The following NKAIN2 variants were observed in gnomAD, a reference collection of about 807,000 sequenced individuals.
The protein encoded by NKAIN2 is sodium/potassium transporting ATPase interacting 2.
NKAIN2 carries 14 observed loss-of-function variants against 32.6 expected under a neutral mutation model. That is an observed-to-expected ratio of 0.43 (90% CI 0.28 to 0.67). The LOEUF (loss-of-function observed/expected upper bound fraction) is 0.67. Ranked by LOEUF, NKAIN2 falls within the 30% of genes least tolerant of loss-of-function variation. The pLI, the probability that NKAIN2 is intolerant of heterozygous loss-of-function variation, is 0.17. For missense variants in NKAIN2, 198 were observed against 258.3 expected (o/e 0.77, Z 1.60); for synonymous variants, 80 against 87.2 (o/e 0.92, Z 0.46).
At chr6:123,841,668 A>C (rs756655960) in intron 1 of NKAIN2, among the ~76,000 whole-genome samples, 6 of 152,188 alleles carry the variant, frequency 3.9e-5, no homozygotes, top group Admixed American at 1.3e-4. Flanking sequence ...ACCAATGGTC[A>C]CGGGAACCAC....
chr6:124,233,217 C>A (rs1396256758), intron 1 of NKAIN2, among the ~76,000 whole-genome samples: 2 of 151,818 alleles, frequency 1.3e-5, no homozygotes, highest in African/African-American at 4.8e-5. Context: ...GACAAAGTTA[C>A]CTTTTAGAGA....
At chr6:124,653,854 AT>A (rs1296558162) in intron 3 of NKAIN2, among the ~76,000 whole-genome samples, 8 of 152,184 alleles carry the variant, frequency 5.3e-5, no homozygotes, top group African/African-American at 1.9e-4. Context: ...TTAAAACTCA[AT>A]GATGAAAAGC....
In NKAIN2 at chr6:124,336,382, C is replaced by T. The variant is rs1797858120; in HGVS notation, c.193-18885C>T. Among the ~76,000 whole-genome samples the T allele has an allele frequency of 2.6e-5, 4 of 152,096 alleles. No homozygotes were observed. In the South Asian group the frequency reaches 8.3e-4, roughly 32 times the overall value. On this transcript the variant is annotated intron_variant, in intron 2 of 6. Transcript: ENST00000368417. ...TGTAAGAAATCTCATGTGTGCCTCT[C>T]TAGGAAGAGTTTTCCTTCCTGGAAG...
At chr6:123,819,162 G>C (rs938834750) in intron 1 of NKAIN2, among the ~76,000 whole-genome samples, 2 of 152,146 alleles carry the variant, frequency 1.3e-5, no homozygotes, top group Non-Finnish European at 2.9e-5. Context: ...GGATGTGGTA[G>C]GTTTTCAACA....
intron 1 of NKAIN2, among the ~76,000 whole-genome samples, chr6:124,274,494 A>G (rs1188060192): frequency 6.6e-6 from 1 of 152,132 alleles, no homozygotes; most frequent in Non-Finnish European, 1.5e-5. Context: ...AAACAATACC[A>G]TAAGGTTCCC....
chr6:124,751,650 C>G (rs992071328), intron 4 of NKAIN2, among the ~76,000 whole-genome samples: 2 of 151,724 alleles, frequency 1.3e-5, no homozygotes, highest in African/African-American at 4.8e-5. Context: ...GGTATACCTC[C>G]AAATCCTTAT....
intron 4 of NKAIN2, among the ~76,000 whole-genome samples, chr6:124,754,962 GAACT>G (rs967520703): frequency 3.9e-5 from 6 of 152,118 alleles, no homozygotes; most frequent in African/African-American, 1.4e-4. Context: ...CAGAGGGACA[GAACT>G]AATAGGATAT....
chr6:124,391,070 A>G (rs1300833586), intron 3 of NKAIN2: 1 of 152,132 alleles, frequency 6.6e-6, no homozygotes, highest in East Asian at 1.9e-4. Flanking sequence ...CCTGGTTTCC[A>G]TGAGATGAAT....
In NKAIN2 at chr6:124,786,822, G is replaced by A. The variant is rs565332513; in HGVS notation, c.475-4517G>A. On this transcript the variant is annotated intron_variant, in intron 4 of 6. Coordinates refer to ENST00000368417, the MANE Select transcript of NKAIN2 (RefSeq NM_001040214.3). ...CAGGTCCCTTCCATTATTATTCTAAGCATCTTTAAATCAGGAACAAAATAA... is the reference window on the plus strand; with the variant it reads ...CAGGTCCCTTCCATTATTATTCTAAACATCTTTAAATCAGGAACAAAATAA... Among the ~76,000 whole-genome samples, 5 of 152,192 alleles carry A rather than the reference G, an allele frequency of 3.3e-5. No individual in the cohort carries two copies. In the East Asian group the frequency reaches 7.7e-4, roughly 23 times the overall value.
intron 1 of NKAIN2, among the ~76,000 whole-genome samples, chr6:124,063,013 C>T (rs557383004): frequency 7.2e-5 from 11 of 152,028 alleles, no homozygotes; most frequent in Admixed American, 6.5e-5. Context: ...GCCATCTCTA[C>T]TAAAATTACT....
intron 3 of NKAIN2, among the ~76,000 whole-genome samples, chr6:124,528,427 T>G (rs1449777507): frequency 6.6e-6 from 1 of 152,178 alleles, no homozygotes; most frequent in Non-Finnish European, 1.5e-5. Context: ...TCACAAGAGG[T>G]TTGACAGCTT....
At chr6:124,552,325 G>T (rs1780318983) in intron 3 of NKAIN2, among the ~76,000 whole-genome samples, 1 of 152,204 alleles carries the variant, frequency 6.6e-6, no homozygotes, top group Non-Finnish European at 1.5e-5. Context: ...CCAAAGTCTG[G>T]CCGATGCTGG....
chr6:123,947,804 T>C (rs746317350), intron 1 of NKAIN2, among the ~76,000 whole-genome samples: 1 of 152,120 alleles, frequency 6.6e-6, no homozygotes, highest in African/African-American at 2.4e-5. Flanking sequence ...TACAATAGAT[T>C]GTTGTTAACT....
At chr6:124,383,735 C>G (rs1388969202) in intron 3 of NKAIN2, among the ~76,000 whole-genome samples, 2 of 152,200 alleles carry the variant, frequency 1.3e-5, no homozygotes, top group Non-Finnish European at 2.9e-5. Flanking sequence ...GTTTTCATCA[C>G]TCTGTCTTCC....
chr6:124,028,152 G>A (rs1412153292), intron 1 of NKAIN2, among the ~76,000 whole-genome samples: 1 of 152,044 alleles, frequency 6.6e-6, no homozygotes, highest in African/African-American at 2.4e-5. Flanking sequence ...AATTTAGAAT[G>A]TTCTGTATAT....
chr6:124,598,755 C>T (rs1782194305), intron 3 of NKAIN2, among the ~76,000 whole-genome samples: 1 of 151,834 alleles, frequency 6.6e-6, no homozygotes, highest in East Asian at 1.9e-4. Flanking sequence ...ACATGACCAA[C>T]TTCACAAGTT....
At chr6:123,859,262 T>G (rs939417759) in intron 1 of NKAIN2, among the ~76,000 whole-genome samples, 5 of 152,128 alleles carry the variant, frequency 3.3e-5, no homozygotes, top group Non-Finnish European at 7.4e-5. Flanking sequence ...TCCATATAGA[T>G]AGACTGTATG....
intron 3 of NKAIN2, among the ~76,000 whole-genome samples, chr6:124,559,284 A>G (rs879309908): frequency 2.0e-5 from 3 of 152,146 alleles, no homozygotes; most frequent in Non-Finnish European, 4.4e-5. Context: ...ATAATGGCCA[A>G]TATAATAAGT....
At chr6:124,341,115 C>T (rs908808515) in intron 2 of NKAIN2, among the ~76,000 whole-genome samples, 2 of 152,064 alleles carry the variant, frequency 1.3e-5, no homozygotes, top group Admixed American at 1.3e-4. Context: ...AAAATATTTT[C>T]AGGCATGATT....
Sources: allele counts gnomAD v4.1 joint callset (sites outside exome capture counted in the v4.1 genomes callset), GRCh38; gene constraint gnomAD v4.1.1; transcripts MANE v1.5; gene names NCBI Gene and HGNC (gene_info 2026-07-23, HGNC 2026-07-21).